Variants in CFAP92 observed in about 807,000 individuals in gnomAD.
CFAP92 encodes uncharacterized protein CFAP92.
In CFAP92, 86 loss-of-function variants were observed where a neutral mutation model predicts 106.3. That is an observed-to-expected ratio of 0.81 (90% CI 0.68 to 0.97). The LOEUF (loss-of-function observed/expected upper bound fraction) is 0.97, where lower values mean the gene tolerates loss of function less well. Among genes scored for constraint, CFAP92 ranks in the 50% least tolerant of loss-of-function variants. The pLI is 0.00. For missense variants in CFAP92, 1,204 were observed against 1,283.8 expected, an observed-to-expected ratio of 0.94 and a Z score of 0.95; for synonymous variants, 477 against 506.4, an observed-to-expected ratio of 0.94 and a Z score of 0.78.
In CFAP92 at chr3:128,965,734, A is replaced by G. The variant is rs1237384835; in HGVS notation, c.1169-39T>C. On this transcript the variant is annotated intron_variant, in intron 8 of 15. Transcript: ENST00000645291. The stretch of plus-strand genomic sequence containing the variant: ...ACCCAGCATTAGACCTTTCCTCCCG[A>G]CACCCCCAAGACACGCACAGAGGGA... The G allele has an allele frequency of 2.0e-5, 8 of 398,428 alleles. No homozygotes were observed. In the East Asian group the frequency reaches 2.9e-4, roughly 14 times the overall value. 24.7% of individuals were successfully genotyped at this position (398,428 alleles called of 1,614,324 possible).
chr3:129,015,299 C>T, the CFAP92 span, among the ~76,000 whole-genome samples: 1 of 152,164 alleles, frequency 6.6e-6, no homozygotes. Context: ...TCTTGCCAGA[C>T]CCCAACTCTT....
chr3:129,001,520 A>G lies in CFAP92; in HGVS notation n.117+1054T>C, dbSNP rs903977916. On this transcript the variant is annotated intron_variant and non_coding_transcript_variant, in intron 1 of 4. Transcript: ENST00000510149. ...CGGTCCCCGGCGCCGCTCCAACCAG[A>G]CCGCGACCGCTAAGCCCCTCCTTTC... 9 of 1,330,776 alleles carry G rather than the reference A, an allele frequency of 6.8e-6. No homozygotes were observed. In the African/African-American group the frequency reaches 1.1e-4, roughly 16 times the overall value. 82.4% of individuals were successfully genotyped at this position (1,330,776 alleles called of 1,614,324 possible).
At chr3:128,981,183 CCCA>C (rs1943510469) in intron 4 of CFAP92, among the ~76,000 whole-genome samples, 1 of 151,688 alleles carries the variant, frequency 6.6e-6, no homozygotes, top group African/African-American at 2.4e-5. Flanking sequence ...ACTACAGGCG[CCCA>C]CCACCACACC....
chr3:129,001,548 G>A (rs370208626), intron 1 of CFAP92: 57 of 1,342,494 alleles, frequency 4.2e-5, no homozygotes, highest in East Asian at 3.7e-4. Flanking sequence ...CTCCTTTCGA[G>A]AAACTCTGGG....
At chr3:128,928,123 G>T (rs1211750589) in intron 12 of CFAP92, among the ~76,000 whole-genome samples, 1 of 152,024 alleles carries the variant, frequency 6.6e-6, no homozygotes, top group Non-Finnish European at 1.5e-5. Flanking sequence ...AGTGGTGGCG[G>T]GTATGTGTAG....
chr3:128,972,317 T>C (rs1443177734), intron 7 of CFAP92, among the ~76,000 whole-genome samples: 1 of 151,890 alleles, frequency 6.6e-6, no homozygotes, highest in Admixed American at 6.6e-5. Context: ...TCGAGGCTCA[T>C]TGCAACCTCT....
intron 12 of CFAP92, among the ~76,000 whole-genome samples, chr3:128,927,921 T>C (rs1025276545): frequency 1.8e-4 from 28 of 152,022 alleles, no homozygotes; most frequent in Admixed American, 1.6e-3. Flanking sequence ...CCCAAAATTG[T>C]TAAGTTTGGC....
intron 10 of CFAP92, among the ~76,000 whole-genome samples, chr3:128,936,534 G>A (rs1033393117): frequency 3.9e-5 from 6 of 152,158 alleles, no homozygotes; most frequent in African/African-American, 7.2e-5. Flanking sequence ...CCCAGGGCAC[G>A]TAGCACTGCT....
chr3:128,940,516 C>T (rs1939518538), intron 10 of CFAP92, among the ~76,000 whole-genome samples: 1 of 152,180 alleles, frequency 6.6e-6, no homozygotes, highest in Non-Finnish European at 1.5e-5. Flanking sequence ...TTCTACCCAT[C>T]CTAATGAGTA....
At chr3:129,005,472 G>C (rs1046620561), upstream of CFAP92, among the ~76,000 whole-genome samples, 5 of 152,228 alleles carry the variant, frequency 3.3e-5, no homozygotes, top group Non-Finnish European at 7.3e-5. Context: ...AAGGATTTCA[G>C]TTTTTCCCTT....
chr3:128,956,206 A>C (rs1364853069), intron 9 of CFAP92, among the ~76,000 whole-genome samples: 1 of 92,530 alleles, frequency 1.1e-5, no homozygotes, highest in African/African-American at 1.0e-4. Flanking sequence ...TAAAAAAAAA[A>C]TAAAAAAATA....
At chr3:128,946,986 A>G (rs530513280) in intron 9 of CFAP92, among the ~76,000 whole-genome samples, 52 of 152,352 alleles carry the variant, frequency 3.4e-4, no homozygotes, top group African/African-American at 1.2e-3. Context: ...CCAACCACAC[A>G]ATGGAGAAGC....
At chr3:128,963,050 G>T (rs866904431) in intron 9 of CFAP92, among the ~76,000 whole-genome samples, 1 of 152,130 alleles carries the variant, frequency 6.6e-6, no homozygotes, top group Non-Finnish European at 1.5e-5. Flanking sequence ...CAAATTACCT[G>T]GGCTGTACTG....
chr3:129,003,393 C>T (rs1944892241), upstream of CFAP92: 3 of 641,336 alleles, frequency 4.7e-6, no homozygotes, highest in Non-Finnish European at 5.8e-6. Context: ...TGAGCAGGCA[C>T]GGGGAGGGCT....
chr3:129,025,314 C>T, the CFAP92 span, among the ~76,000 whole-genome samples: 4 of 151,982 alleles, frequency 2.6e-5, no homozygotes, highest in Admixed American at 1.3e-4. Context: ...GGCAAAATGG[C>T]GAAGAGTGCC....
chr3:128,909,933 A>AAGAC lies in CFAP92; in HGVS notation c.*362_*365dup. ...ACTTTCTCAAGGAACACAGGAGACTAAGACAGGCAAAGATGCAGCCCAGGG... is the reference window on the plus strand; with the variant it reads ...ACTTTCTCAAGGAACACAGGAGACTAAGACAGACAGGCAAAGATGCAGCCCAGGG... On this transcript the variant is annotated 3_prime_UTR_variant, in exon 16 of 16. Coordinates refer to ENST00000645291, the MANE Select transcript of CFAP92 (RefSeq NM_001394090.1). 2 of 1,568,290 alleles carry AAGAC rather than the reference A, an allele frequency of 1.3e-6. No homozygotes were observed. Among genetic ancestry groups the AAGAC allele is most frequent in the East Asian group, 4.5e-5 (2 of 43,976 alleles).
At chr3:129,022,926 G>A in the CFAP92 span, among the ~76,000 whole-genome samples, 5 of 152,226 alleles carry the variant, frequency 3.3e-5, no homozygotes, top group African/African-American at 1.2e-4. Context: ...TTCCCAAGCT[G>A]TGGTTTGGAG....
At chr3:128,985,463 A>C (rs1377399835) in intron 4 of CFAP92, among the ~76,000 whole-genome samples, 3 of 152,190 alleles carry the variant, frequency 2.0e-5, no homozygotes, top group Non-Finnish European at 4.4e-5. Flanking sequence ...AGACTGTCTC[A>C]ATCAATCAAT....
chr3:128,984,021 C>A (rs1210100795), intron 4 of CFAP92, among the ~76,000 whole-genome samples: 1 of 152,172 alleles, frequency 6.6e-6, no homozygotes, highest in African/African-American at 2.4e-5. Context: ...GAAAAGACAG[C>A]TGGGCAGAGA....
Sources: gnomAD v4.1 joint callset for allele counts (sites outside exome capture counted in the v4.1 genomes callset) on GRCh38, gnomAD v4.1.1 for gene constraint, MANE v1.5 for transcripts, NCBI Gene and HGNC (gene_info 2026-07-23, HGNC 2026-07-21) for gene names.